The following CREBL2 variants were observed in gnomAD, a reference collection of about 807,000 sequenced individuals.
The protein encoded by CREBL2 is cAMP responsive element binding protein like 2.
A neutral mutation model predicts 19.5 loss-of-function variants in CREBL2; 4 were observed. The ratio of observed to expected loss-of-function variants is 0.20; its 90% confidence interval spans 0.10 to 0.47. CREBL2 has a LOEUF of 0.47. Ranked by LOEUF, CREBL2 falls within the 20% of genes least tolerant of loss-of-function variation. The pLI is 0.98. For missense variants in CREBL2, 85 were observed against 145.1 expected (o/e 0.59, Z 2.13); for synonymous variants, 42 against 46.6 (o/e 0.90, Z 0.40).
At chr12:12,620,735 T>G (rs1246563566) in intron 1 of CREBL2, among the ~76,000 whole-genome samples, 1 of 152,270 alleles carries the variant, frequency 6.6e-6, no homozygotes, top group African/African-American at 2.4e-5. Flanking sequence ...TATTTATTAA[T>G]TCATTCAACA....
intron 3 of CREBL2, among the ~76,000 whole-genome samples, chr12:12,639,722 T>A (rs139652083): frequency 4.8e-4 from 73 of 152,302 alleles, no homozygotes; most frequent in African/African-American, 1.6e-3. Context: ...TCCATAAATG[T>A]CGGCCAACTG....
intron 1 of CREBL2, 114 bp downstream of exon 1, chr12:12,612,301 A>G: frequency 6.4e-7 from 1 of 1,570,366 alleles, no homozygotes; most frequent in Non-Finnish European, 8.7e-7. Flanking sequence ...TGCCTAAAAC[A>G]TCCCTGCGCC....
At chr12:12,632,996 C>T (rs1945452043) in intron 1 of CREBL2, among the ~76,000 whole-genome samples, 1 of 151,060 alleles carries the variant, frequency 6.6e-6, no homozygotes, top group Non-Finnish European at 1.5e-5. Context: ...TGCAGTGGCC[C>T]GATCTGGACC....
In CREBL2 at chr12:12,643,362, ACTCT is replaced by A. The variant is rs1162485044; in HGVS notation, c.*1369_*1372del. The A allele has an allele frequency of 5.9e-5, 9 of 152,204 alleles. No homozygotes were observed. The highest frequency in any genetic ancestry group is 2.2e-4 in the African/African-American group (9 of 41,296). 9.4% of individuals were successfully genotyped at this position (152,204 alleles called of 1,614,324 possible). On this transcript the variant is annotated 3_prime_UTR_variant, in exon 4 of 4. Transcript: ENST00000228865. Reference sequence around the variant, plus strand: ...TGATTTCCCCAGCGAGATACTTACCACTCTCTCTTCTCTTTCCCATGGTTAAAAC... The same window carrying A: ...TGATTTCCCCAGCGAGATACTTACCACTCTTCTCTTTCCCATGGTTAAAAC...
Position 12,612,151 on chromosome 12 carries a change from C to A in CREBL2, c.-22C>A, listed in dbSNP as rs756346418. The A allele has an allele frequency of 6.2e-7, 1 of 1,611,556 alleles. No individual in the cohort carries two copies. The highest frequency in any genetic ancestry group is 1.1e-5 in the South Asian group (1 of 91,086). On this transcript the variant is annotated 5_prime_UTR_variant, in exon 1 of 4. Transcript: ENST00000228865. The stretch of plus-strand genomic sequence containing the variant: ...GAGGGCTCCGGGAGGGAGTGCCTGG[C>A]CAGGCCGGCCTGTCTGCCGCGATGG...
chr12:12,614,677 C>A, intron 1 of CREBL2: 1 of 283,146 alleles, frequency 3.5e-6, no homozygotes, highest in South Asian at 3.4e-5. Context: ...TTTTTCTGAT[C>A]ATTTTCCTTC....
At chr12:12,624,110 T>TA (rs1457816302) in intron 1 of CREBL2, among the ~76,000 whole-genome samples, 1 of 152,198 alleles carries the variant, frequency 6.6e-6, no homozygotes, top group Non-Finnish European at 1.5e-5. Context: ...GGTAATTTGT[T>TA]ACAGCAGCCC....
At chr12:12,624,123 A>G (rs765128473) in intron 1 of CREBL2, among the ~76,000 whole-genome samples, 5 of 152,236 alleles carry the variant, frequency 3.3e-5, no homozygotes, top group Admixed American at 6.5e-5. Context: ...AGCAGCCCCA[A>G]GAAATGAGTA....
At position 12,644,352 on chromosome 12, in the gene CREBL2, G is replaced by A. The variant is rs1319962383; in HGVS notation, c.*2354G>A. ...ATTTCCTTCCCTTTCCAGTGAAGGA[G>A]CAGCATAGTGAAATCCTGGCACCCC... On this transcript the variant is annotated 3_prime_UTR_variant, in exon 4 of 4. Transcript: ENST00000228865. 6.6e-6 allele frequency: 1 copy of A among 152,278 alleles called. No individual in the cohort carries two copies. Among genetic ancestry groups the A allele is most frequent in the Non-Finnish European group, 1.5e-5 (1 of 68,052 alleles). 9.4% of individuals were successfully genotyped at this position (152,278 alleles called of 1,614,324 possible). A position where few individuals can be genotyped will look rare whatever the true frequency, so the allele number is the denominator to read the frequency against.
At position 12,613,996 on chromosome 12, in the gene CREBL2, T is replaced by C. The variant is rs1217569122; in HGVS notation, c.15+1809T>C. Reference sequence around the variant, plus strand: ...TTTCTTTTTTCTTTTTTTTCTTTTTTTTTTTTTTTTTTTTGAGACGGAGTC... The same window carrying C: ...TTTCTTTTTTCTTTTTTTTCTTTTTCTTTTTTTTTTTTTTGAGACGGAGTC... On this transcript the variant is annotated intron_variant, in intron 1 of 3. Coordinates refer to ENST00000228865, the MANE Select transcript of CREBL2 (RefSeq NM_001310.4). Among the ~76,000 whole-genome samples the C allele has an allele frequency of 1.7e-4, 23 of 139,378 alleles. No individual in the cohort carries two copies. In the East Asian group the frequency reaches 2.7e-3, roughly 16 times the overall value. 91.4% of individuals were successfully genotyped at this position (139,378 alleles called of 152,430 possible). A position where few individuals can be genotyped will look rare whatever the true frequency, so the allele number is the denominator to read the frequency against.
intron 1 of CREBL2, among the ~76,000 whole-genome samples, chr12:12,623,417 G>A (rs967975553): frequency 3.9e-5 from 6 of 152,258 alleles, no homozygotes; most frequent in Admixed American, 3.3e-4. Flanking sequence ...GAAGAAAAAT[G>A]ACTTATGGAC....
intron 1 of CREBL2, among the ~76,000 whole-genome samples, chr12:12,613,876 A>C (rs1945285964): frequency 6.7e-6 from 1 of 149,978 alleles, no homozygotes; most frequent in Non-Finnish European, 1.5e-5. Context: ...CCAAGACAGA[A>C]GGGTAGCGTT....
intron 1 of CREBL2, among the ~76,000 whole-genome samples, chr12:12,627,353 A>G (rs1279354275): frequency 1.3e-5 from 2 of 152,136 alleles, no homozygotes; most frequent in Admixed American, 1.3e-4. Context: ...AATAAAGTCT[A>G]TTGATTTAAA....
intron 1 of CREBL2, among the ~76,000 whole-genome samples, chr12:12,626,871 T>TAAAAA: frequency 8.0e-6 from 1 of 124,860 alleles, no homozygotes. Context: ...CCCTGTTTCT[T>TAAAAA]AAAAAAAAAA....
At chr12:12,617,643 CTTTTTTTTTTTTTTTTTTTTTTTTTTTT>C (rs66943066) in intron 1 of CREBL2, among the ~76,000 whole-genome samples, 2 of 38,716 alleles carry the variant, frequency 5.2e-5, no homozygotes, top group South Asian at 1.3e-3. Flanking sequence ...TTTAGTAATT[CTTTTTTTTTTTTTTTTTTTTTTTTTTTT>C]TTTTTTTTTT....
chr12:12,612,052 AGAG>A lies in CREBL2; in HGVS notation c.-113_-111del. 2 of 1,203,172 alleles carry A rather than the reference AGAG, an allele frequency of 1.7e-6. No individual in the cohort carries two copies. Among genetic ancestry groups the A allele is most frequent in the Non-Finnish European group, 1.2e-6 (1 of 831,118 alleles). 74.5% of individuals were successfully genotyped at this position (1,203,172 alleles called of 1,614,324 possible). ...CATCAGGGAAGCGAACTGTTAGGCG[AGAG>A]GAGGAGGCAGCCAGAACCATATCCC... On this transcript the variant is annotated 5_prime_UTR_variant, in exon 1 of 4. Coordinates refer to ENST00000228865, the MANE Select transcript of CREBL2 (RefSeq NM_001310.4).
chr12:12,631,142 C>G (rs1224266621), intron 1 of CREBL2, among the ~76,000 whole-genome samples: 1 of 152,170 alleles, frequency 6.6e-6, no homozygotes, highest in Non-Finnish European at 1.5e-5. Context: ...ATAATGAAGA[C>G]AGACTTAGTA....
Position 12,637,710 on chromosome 12 carries a change from T to C in CREBL2, c.354T>C (p.Asn118=). ...TKAGKTDANS[N]SW ...CTGGGAAGACAGATGCTAATAGCAA[T>C]TCCTGTAAGTGCCATCAATGGGAGA... Residue 118 remains asparagine, a synonymous_variant, in exon 3 of 4, where the codon AAT becomes AAC. Coordinates refer to ENST00000228865, the MANE Select transcript of CREBL2 (RefSeq NM_001310.4). The C allele has an allele frequency of 1.9e-6, 3 of 1,608,852 alleles. No individual in the cohort carries two copies. Among genetic ancestry groups the C allele is most frequent in the Non-Finnish European group, 2.5e-6 (3 of 1,178,240 alleles).
intron 3 of CREBL2, among the ~76,000 whole-genome samples, chr12:12,639,275 A>T (rs1945500006): frequency 6.6e-6 from 1 of 152,116 alleles, no homozygotes; most frequent in South Asian, 2.1e-4. Flanking sequence ...GCATATAGGT[A>T]TTTGTTTTCA....
Sources: allele counts gnomAD v4.1 joint callset (sites outside exome capture counted in the v4.1 genomes callset), GRCh38; gene constraint gnomAD v4.1.1; transcripts MANE v1.5; gene names NCBI Gene and HGNC (gene_info 2026-07-23, HGNC 2026-07-21).